The following RORA variants were observed in gnomAD, a reference collection of about 807,000 sequenced individuals.
The protein encoded by RORA is nuclear receptor ROR-alpha.
A neutral mutation model predicts 69.5 loss-of-function variants in RORA; 7 were observed. That is an observed-to-expected ratio of 0.10 (90% CI 0.06 to 0.19). The LOEUF (loss-of-function observed/expected upper bound fraction) is 0.19. RORA is among the 10% of genes least tolerant of loss of function. The probability of loss-of-function intolerance (pLI) is 1.00; values close to 1 mark genes in which losing one functional copy is unlikely to be tolerated. For synonymous variants in RORA, 261 were observed against 240.8 expected (o/e 1.08, Z -0.78); for missense variants, 457 against 663.0 (o/e 0.69, Z 3.41).
chr15:60,962,420 A>G (rs1463394335), intron 1 of RORA, among the ~76,000 whole-genome samples: 1 of 152,228 alleles, frequency 6.6e-6, no homozygotes, highest in Non-Finnish European at 1.5e-5. Context: ...GAAGGTTCTC[A>G]GACAGTGTCT....
chr15:61,083,628 G>C (rs2078578141), intron 1 of RORA, among the ~76,000 whole-genome samples: 1 of 151,904 alleles, frequency 6.6e-6, no homozygotes, highest in Non-Finnish European at 1.5e-5. Context: ...ATCTGGAAAG[G>C]ATTCTGTAGT....
At chr15:61,201,995 C>A (rs927329203) in intron 1 of RORA, among the ~76,000 whole-genome samples, 1 of 144,260 alleles carries the variant, frequency 6.9e-6, no homozygotes. Flanking sequence ...TAATATTTAT[C>A]AACCCTGCTT....
intron 1 of RORA, among the ~76,000 whole-genome samples, chr15:60,897,463 G>A (rs992513104): frequency 6.6e-6 from 1 of 152,198 alleles, no homozygotes; most frequent in Non-Finnish European, 1.5e-5. Context: ...AGGTAAATAT[G>A]TAAAGAAAAG....
chr15:60,973,335 G>C (rs1234591250), intron 1 of RORA, among the ~76,000 whole-genome samples: 2 of 152,162 alleles, frequency 1.3e-5, no homozygotes, highest in Admixed American at 1.3e-4. Context: ...CTCCTGGGTG[G>C]ATGAGCAGTA....
chr15:60,771,804 C>T (rs903723050), intron 1 of RORA, among the ~76,000 whole-genome samples: 3 of 152,198 alleles, frequency 2.0e-5, no homozygotes, highest in African/African-American at 7.2e-5. Context: ...GTTGTCTCAT[C>T]TGGGAGAAGG....
At chr15:60,538,926 A>C (rs569303804) in intron 2 of RORA, among the ~76,000 whole-genome samples, 14 of 152,148 alleles carry the variant, frequency 9.2e-5, no homozygotes, top group African/African-American at 3.4e-4. Context: ...ACTGGATTGT[A>C]ATTTCTCCGG....
intron 1 of RORA, among the ~76,000 whole-genome samples, chr15:60,863,127 T>C (rs1479661227): frequency 6.6e-6 from 1 of 152,222 alleles, no homozygotes; most frequent in African/African-American, 2.4e-5. Flanking sequence ...ACTCTAGGAA[T>C]ACTGGAATAT....
chr15:61,224,724 T>C (rs2080130106), intron 1 of RORA, among the ~76,000 whole-genome samples: 1 of 152,212 alleles, frequency 6.6e-6, no homozygotes, highest in Admixed American at 6.5e-5. Context: ...GTGATTCAGC[T>C]GTCACTAAAA....
At chr15:60,739,260 A>AG (rs2071541996) in intron 1 of RORA, among the ~76,000 whole-genome samples, 1 of 152,106 alleles carries the variant, frequency 6.6e-6, no homozygotes, top group Non-Finnish European at 1.5e-5. Flanking sequence ...ATAAACACCC[A>AG]GGGGTGGGGA....
At chr15:60,753,295 ATC>A (rs2071753176) in intron 1 of RORA, among the ~76,000 whole-genome samples, 1 of 152,220 alleles carries the variant, frequency 6.6e-6, no homozygotes, top group Non-Finnish European at 1.5e-5. Context: ...ACCGTCTTTC[ATC>A]TCTGTTACAG....
intron 2 of RORA, among the ~76,000 whole-genome samples, chr15:60,589,543 T>G (rs1432988545): frequency 6.6e-6 from 1 of 152,230 alleles, no homozygotes; most frequent in Admixed American, 6.5e-5. Context: ...GCTCCCCCGA[T>G]TATAAATGTT....
At chr15:61,029,835 T>C (rs1461301293) in intron 1 of RORA, among the ~76,000 whole-genome samples, 2 of 152,062 alleles carry the variant, frequency 1.3e-5, no homozygotes, top group Non-Finnish European at 2.9e-5. Context: ...GCCTTTGGTA[T>C]CCAAAAAGGG....
At chr15:61,122,957 G>C (rs2079116227) in intron 1 of RORA, among the ~76,000 whole-genome samples, 2 of 152,188 alleles carry the variant, frequency 1.3e-5, no homozygotes, top group African/African-American at 2.4e-5. Context: ...GCACAGGCAA[G>C]AAGCTAGATT....
intron 1 of RORA, among the ~76,000 whole-genome samples, chr15:61,110,433 A>G: frequency 6.6e-6 from 1 of 152,254 alleles, no homozygotes; most frequent in East Asian, 1.9e-4. Flanking sequence ...TGTACAGCAT[A>G]TAATACATGG....
At chr15:61,192,866 G>A (rs868567846) in intron 1 of RORA, among the ~76,000 whole-genome samples, 17 of 152,140 alleles carry the variant, frequency 1.1e-4, no homozygotes, top group South Asian at 4.1e-4. Context: ...GCTAACACTT[G>A]CCTTACAGGG....
chr15:60,497,219 CAG>C lies in RORA; in HGVS notation c.*234_*235del, dbSNP rs2065190184. On this transcript the variant is annotated 3_prime_UTR_variant, in exon 11 of 11. Coordinates refer to ENST00000335670, the MANE Select transcript of RORA (RefSeq NM_134261.3). ...GAGGTCAATGATCAAGAAGTCAAGA[CAG>C]AAAAAGGGTCCATATCTGTAGGCAT... The C allele has an allele frequency of 2.4e-6, 1 of 410,830 alleles. No homozygotes were observed. Among genetic ancestry groups the C allele is most frequent in the Non-Finnish European group, 4.4e-6 (1 of 229,170 alleles). The allele number at this position is 410,830 out of a possible 1,614,324, so 25.4% of individuals were successfully genotyped here. A position where few individuals can be genotyped will look rare whatever the true frequency, so the allele number is the denominator to read the frequency against.
rs993848988 is a variant in RORA, at chr15:60,905,947, C to G, written c.167-227261G>C. ...TATTTTCAGATAAATATCAGGAAAG[C>G]ATTTATAAATATTTCAGAGGTGTTT... On this transcript the variant is annotated intron_variant, in intron 1 of 10. Coordinates refer to ENST00000335670, the MANE Select transcript of RORA (RefSeq NM_134261.3). The surrounding 1 kb of genome is among the most constrained non-coding windows in gnomAD (Gnocchi z 4.8). Among the ~76,000 whole-genome samples, 1 of 152,182 alleles carries G rather than the reference C, an allele frequency of 6.6e-6. No homozygotes were observed. The highest frequency in any genetic ancestry group is 1.5e-5 in the Non-Finnish European group (1 of 68,036).
intron 1 of RORA, among the ~76,000 whole-genome samples, chr15:61,124,506 C>G (rs774306086): frequency 1.3e-5 from 2 of 152,204 alleles, no homozygotes; most frequent in African/African-American, 4.8e-5. Flanking sequence ...GCAAGAGGGA[C>G]GCACTGGAAC....
At chr15:60,561,078 T>G (rs1178214052) in intron 2 of RORA, among the ~76,000 whole-genome samples, 7 of 129,470 alleles carry the variant, frequency 5.4e-5, no homozygotes, top group African/African-American at 2.8e-4. Flanking sequence ...TTTGTTTTGT[T>G]TTTGTTTTTT....
Sources: gnomAD v4.1 joint callset for allele counts (sites outside exome capture counted in the v4.1 genomes callset) on GRCh38, gnomAD v4.1.1 for gene constraint, Gnocchi (gnomAD v3.1) non-coding constraint, MANE v1.5 for transcripts, NCBI Gene and HGNC (gene_info 2026-07-23, HGNC 2026-07-21) for gene names.